ME3: variants seen among roughly 807,000 people sequenced by gnomAD.
ME3 encodes the protein malic enzyme 3.
Under a neutral mutation model 68.9 loss-of-function variants are expected in ME3, and 48 were observed. That is an observed-to-expected ratio of 0.70 (90% CI 0.55 to 0.89). The LOEUF (loss-of-function observed/expected upper bound fraction) is 0.89, where lower values mean the gene tolerates loss of function less well. Ranked by LOEUF, ME3 falls within the 40% of genes least tolerant of loss-of-function variation. ME3 has a pLI of 0.00. For missense variants in ME3, 675 were observed against 797.4 expected, an observed-to-expected ratio of 0.85 and a Z score of 1.85; for synonymous variants, 320 against 318.8, an observed-to-expected ratio of 1.00 and a Z score of -0.04.
chr11:86,587,458 G>A (rs979348632), intron 2 of ME3, among the ~76,000 whole-genome samples: 10 of 152,132 alleles, frequency 6.6e-5, no homozygotes, highest in South Asian at 4.2e-4. Context: ...GGGTCTCTTC[G>A]CTTTCCTCAT....
chr11:86,529,120 AAAG>A (rs1955004412), intron 4 of ME3, among the ~76,000 whole-genome samples: 1 of 152,194 alleles, frequency 6.6e-6, no homozygotes, highest in South Asian at 2.1e-4. Context: ...CGAGACTAAT[AAAG>A]AAGAAAAGAG....
At position 86,446,038 on chromosome 11, in the gene ME3, C is replaced by T. The variant is rs112921458; in HGVS notation, c.1554+276G>A. On this transcript the variant is annotated intron_variant, in intron 13 of 14. Transcript: ENST00000543262. ...AGGCATCTAGATGGCATTGCTAGGA[C>T]GCAGGGGGCAGTATGAGGCATGTCT... Among the ~76,000 whole-genome samples the T allele has an allele frequency of 9.7e-3, 1,470 of 152,206 alleles. 20 individuals carry two copies. The highest frequency in any genetic ancestry group is 0.031 in the African/African-American group (1,275 of 41,530).
chr11:86,453,572 T>G (rs185810004), intron 8 of ME3, among the ~76,000 whole-genome samples: 25 of 152,326 alleles, frequency 1.6e-4, no homozygotes, highest in Non-Finnish European at 1.9e-4. Context: ...GATTGCAAGG[T>G]AAAATGTAGG....
intron 5 of ME3, among the ~76,000 whole-genome samples, chr11:86,501,056 A>G (rs1594198714): frequency 6.6e-6 from 1 of 152,234 alleles, no homozygotes; most frequent in East Asian, 1.9e-4. Context: ...TTTGTGGTTA[A>G]TGGCAGGTGC....
At position 86,447,030 on chromosome 11, in the gene ME3, C is replaced by T. The variant is rs764215092; in HGVS notation, c.1380+35G>A. The stretch of plus-strand genomic sequence containing the variant: ...TACTCATTGTAATTGTTACTATGTC[C>T]TCTCAGCCGGGGGAAGGAAGGACTC... On this transcript the variant is annotated intron_variant, in intron 12 of 14. Transcript: ENST00000543262. 1.7e-5 allele frequency: 27 copies of T among 1,607,392 alleles called. No individual in the cohort carries two copies. The East Asian group carries it at 5.1e-4, about 31-fold the overall frequency.
At chr11:86,631,226 C>T (rs990092541) in intron 2 of ME3, among the ~76,000 whole-genome samples, 24 of 152,228 alleles carry the variant, frequency 1.6e-4, no homozygotes, top group African/African-American at 5.5e-4. Context: ...AGTTCCAAAA[C>T]TTGGACTGAA....
chr11:86,582,735 G>A (rs968248144), intron 2 of ME3, among the ~76,000 whole-genome samples: 6 of 151,904 alleles, frequency 3.9e-5, no homozygotes, highest in Non-Finnish European at 5.9e-5. Flanking sequence ...GCACTGGTCC[G>A]ACACTGTTGT....
chr11:86,604,488 T>G (rs1489757536), intron 2 of ME3, among the ~76,000 whole-genome samples: 3 of 152,178 alleles, frequency 2.0e-5, no homozygotes, highest in African/African-American at 7.2e-5. Flanking sequence ...ATATAACCAT[T>G]GCTCCCTACA....
At position 86,570,896 on chromosome 11, in the gene ME3, C is replaced by T. The variant is rs142386726; in HGVS notation, c.184-11073G>A. 5.2e-4 allele frequency among the ~76,000 whole-genome samples: 79 copies of T among 152,292 alleles called. 1 individual carries two copies. In the East Asian group the frequency reaches 0.013, roughly 26 times the overall value. ...GGGGAGTGGGAAGGGAACTGGACAA[C>T]AAAAGTTCTGCATTCAGTTCCTCCC... On this transcript the variant is annotated intron_variant, in intron 2 of 14. Transcript: ENST00000543262.
exon 6 of ME3, chr11:86,498,079 G>T: frequency 6.2e-7 from 1 of 1,613,676 alleles, no homozygotes; most frequent in Non-Finnish European, 8.5e-7. Flanking sequence ...TAGCAGCCCA[G>T]GTCTCCCAGG....
chr11:86,553,578 A>G (rs918147311), intron 4 of ME3, among the ~76,000 whole-genome samples: 1 of 152,220 alleles, frequency 6.6e-6, no homozygotes, highest in Non-Finnish European at 1.5e-5. Flanking sequence ...ACAACTCAGA[A>G]TGTCACATGT....
At chr11:86,479,407 A>G (rs1360103651) in intron 7 of ME3, among the ~76,000 whole-genome samples, 4 of 152,180 alleles carry the variant, frequency 2.6e-5, no homozygotes, top group East Asian at 1.9e-4. Context: ...CTAATATCCT[A>G]TTGGTTCTGT....
intron 8 of ME3, among the ~76,000 whole-genome samples, chr11:86,456,461 A>G (rs1291224400): frequency 6.6e-6 from 1 of 152,150 alleles, no homozygotes; most frequent in Non-Finnish European, 1.5e-5. Context: ...ACAGTTGTAC[A>G]GATGAGGAAA....
chr11:86,435,513 C>G, the ME3 span: 1 of 152,170 alleles, frequency 6.6e-6, no homozygotes, highest in African/African-American at 2.4e-5. Context: ...TGAAGAGGGT[C>G]TCTCCTGAGG....
At chr11:86,499,523 T>TG (rs1402611830) in intron 5 of ME3, among the ~76,000 whole-genome samples, 2 of 152,110 alleles carry the variant, frequency 1.3e-5, no homozygotes, top group African/African-American at 4.8e-5. Context: ...TGCTGGGCAA[T>TG]GGGGGTAAAG....
chr11:86,451,078 AG>A, intron 8 of ME3, among the ~76,000 whole-genome samples: 1 of 152,348 alleles, frequency 6.6e-6, no homozygotes, highest in South Asian at 2.1e-4. Flanking sequence ...ACCAACTAGA[AG>A]TGTAAGGTGG....
At chr11:86,511,467 ATGGC>A (rs1190324300) in intron 4 of ME3, among the ~76,000 whole-genome samples, 3 of 152,200 alleles carry the variant, frequency 2.0e-5, no homozygotes, top group Admixed American at 6.5e-5. Flanking sequence ...GAAATCTAGC[ATGGC>A]TGACTTCATT....
chr11:86,630,103 CT>C (rs1017629315), intron 2 of ME3, among the ~76,000 whole-genome samples: 1 of 152,162 alleles, frequency 6.6e-6, no homozygotes, highest in Admixed American at 6.5e-5. Context: ...TCATCATCCC[CT>C]GATGAACCTT....
At chr11:86,445,744 A>G (rs1157713984) in intron 13 of ME3, among the ~76,000 whole-genome samples, 1 of 152,110 alleles carries the variant, frequency 6.6e-6, no homozygotes, top group African/African-American at 2.4e-5. Context: ...CATGTCTAGT[A>G]AAGAACTCTT....
Sources: allele counts gnomAD v4.1 joint callset (sites outside exome capture counted in the v4.1 genomes callset), GRCh38; gene constraint gnomAD v4.1.1; transcripts MANE v1.5; gene names NCBI Gene and HGNC (gene_info 2026-07-23, HGNC 2026-07-21).